The following POLR3A variants were observed in gnomAD, a reference collection of about 807,000 sequenced individuals.
POLR3A encodes DNA-directed RNA polymerase III subunit RPC1.
In POLR3A, 112 loss-of-function variants were observed where a neutral mutation model predicts 152.8. The observed-to-expected ratio is 0.73, with a 90% CI of 0.63 to 0.86. The LOEUF (loss-of-function observed/expected upper bound fraction) is 0.86. POLR3A is among the 40% of genes least tolerant of loss of function. The pLI is 0.00. For synonymous variants in POLR3A, 615 were observed against 652.1 expected (o/e 0.94, Z 0.87); for missense variants, 1,385 against 1,743.1 (o/e 0.79, Z 3.66).
Position 78,026,381 on chromosome 10 carries a change from T to C in POLR3A, c.45-152A>G, listed in dbSNP as rs1007236278. On this transcript the variant is annotated intron_variant, in intron 1 of 30. Coordinates refer to ENST00000372371, the MANE Select transcript of POLR3A (RefSeq NM_007055.4). ...AAATATATTTAACCCTCTCTCATTT[T>C]TCCTTCACAAACATCCCTTCATCTT... is the stretch of plus-strand genomic sequence containing the variant. 14 of 796,490 alleles carry C rather than the reference T, an allele frequency of 1.8e-5. No individual in the cohort carries two copies. In the African/African-American group the frequency reaches 2.0e-4, roughly 12 times the overall value. The allele number at this position is 796,490 out of a possible 1,614,324, so 49.3% of individuals were successfully genotyped here.
At chr10:78,010,970 A>G (rs1237630709) in intron 11 of POLR3A, among the ~76,000 whole-genome samples, 1 of 152,092 alleles carries the variant, frequency 6.6e-6, no homozygotes, top group East Asian at 1.9e-4. Context: ...TCAGCCTCCC[A>G]AGCAGCTGGG....
At chr10:78,009,751 G>A (rs746150360) in intron 13 of POLR3A, 76 bp from the exon 14 acceptor site, 43 of 1,612,096 alleles carry the variant, frequency 2.7e-5, no homozygotes, top group South Asian at 3.3e-5. Context: ...GAAGCCAGGC[G>A]GCCTAGGGAC....
rs1378974410 is a variant in POLR3A, at chr10:78,009,878, G to A, written c.1756C>T (p.Pro586Ser). ...DEKIKVRLPP[P>S]TILKPVTLWT... ...CCCACACACACCTTTAGGATTGTAG[G>A]CGGTGGGAGGCGAACTTTAATTTTC... The change falls in exon 13 of 31, where the codon CCT becomes TCT. Residue 586 changes from proline (P) to serine (S), a missense_variant. Transcript: ENST00000372371. 1 of 1,613,978 alleles carries A rather than the reference G, an allele frequency of 6.2e-7. No homozygotes were observed. The highest frequency in any genetic ancestry group is 8.5e-7 in the Non-Finnish European group (1 of 1,180,030).
intron 17 of POLR3A, among the ~76,000 whole-genome samples, chr10:78,001,896 G>A (rs1351060104): frequency 2.0e-5 from 3 of 151,598 alleles, no homozygotes; most frequent in Admixed American, 1.3e-4. Flanking sequence ...AATCGGCCTC[G>A]GCCTCAGCCT....
chr10:77,989,167 G>A (rs896583203), intron 21 of POLR3A, among the ~76,000 whole-genome samples: 4 of 152,054 alleles, frequency 2.6e-5, no homozygotes, highest in Non-Finnish European at 5.9e-5. Context: ...AATTCACACT[G>A]AGTCAACCCA....
intron 19 of POLR3A, among the ~76,000 whole-genome samples, chr10:77,995,806 C>T (rs908242644): frequency 2.0e-5 from 3 of 152,116 alleles, no homozygotes; most frequent in East Asian, 3.8e-4. Flanking sequence ...CTGCACCAAG[C>T]GGACCTAATA....
chr10:78,009,152 CAAA>C (rs59670962), intron 14 of POLR3A, among the ~76,000 whole-genome samples: 724 of 32,942 alleles, frequency 0.022, 13 homozygotes, highest in African/African-American at 0.045. Context: ...GACTTAGTCT[CAAA>C]AAAAAAAAAA....
intron 21 of POLR3A, 39 bp from the exon 22 acceptor site, chr10:77,986,198 C>T: frequency 1.0e-6 from 1 of 972,548 alleles, no homozygotes; most frequent in Non-Finnish European, 1.7e-6. Context: ...GTAAGTTTCA[C>T]AGTCATGCAG....
intron 20 of POLR3A, among the ~76,000 whole-genome samples, chr10:77,992,421 A>T (rs535807014): frequency 1.1e-4 from 16 of 147,390 alleles, no homozygotes; most frequent in Non-Finnish European, 1.9e-4. Flanking sequence ...GGAGCATGCC[A>T]TCATCCCTGG....
intron 1 of POLR3A, among the ~76,000 whole-genome samples, chr10:78,028,490 A>G (rs1847658741): frequency 6.6e-6 from 1 of 151,922 alleles, no homozygotes; most frequent in Non-Finnish European, 1.5e-5. Context: ...TATCCTCCTC[A>G]GTGTCTGCTG....
chr10:78,026,121 C>T lies in POLR3A; in HGVS notation c.153G>A (p.Leu51=). 6.2e-7 allele frequency: 1 copy of T among 1,614,192 alleles called. No individual in the cohort carries two copies. The highest frequency in any genetic ancestry group is 8.5e-7 in the Non-Finnish European group (1 of 1,180,028). The change falls in exon 2 of 31, where the codon TTG becomes TTA. Residue 51 remains leucine (L), a synonymous_variant. Coordinates refer to ENST00000372371, the MANE Select transcript of POLR3A (RefSeq NM_007055.4). The stretch of plus-strand genomic sequence containing the variant: ...TCCTATGGTCGAGCACCCCATATAG[C>T]AAGGGGGCATGTTGGTTGTCCTGGC... ...LYSQDNQHAP[L]LYGVLDHRMG...
At chr10:78,025,805 G>A (rs750231078) in intron 2 of POLR3A, 46 bp from the exon 3 acceptor site, 2 of 1,590,126 alleles carry the variant, frequency 1.3e-6, no homozygotes, top group South Asian at 1.1e-5. Flanking sequence ...CTGCTGGACG[G>A]GAAAGAGTGC....
In POLR3A at chr10:78,009,693, C is replaced by T. The variant is rs1371418691; in HGVS notation, c.1771-18G>A. 2.5e-6 allele frequency: 4 copies of T among 1,614,146 alleles called. No homozygotes were observed. In the South Asian group the frequency reaches 3.3e-5, roughly 13 times the overall value. ...GTGACAGGCTGAGGGGGGGAGGAAGCCTGAGAGTCAGTGGGCTGAGCCTGG... is the reference window on the plus strand; with the variant it reads ...GTGACAGGCTGAGGGGGGGAGGAAGTCTGAGAGTCAGTGGGCTGAGCCTGG... On this transcript the variant is annotated intron_variant, in intron 13 of 30. Coordinates refer to ENST00000372371, the MANE Select transcript of POLR3A (RefSeq NM_007055.4).
chr10:77,990,510 T>C (rs1050137049), intron 21 of POLR3A, among the ~76,000 whole-genome samples: 1 of 152,030 alleles, frequency 6.6e-6, no homozygotes, highest in Non-Finnish European at 1.5e-5. Context: ...TTTCTTCTAA[T>C]AGGGAAATGG....
intron 23 of POLR3A, among the ~76,000 whole-genome samples, chr10:77,985,576 G>A (rs918322721): frequency 6.6e-6 from 1 of 152,240 alleles, no homozygotes; most frequent in African/African-American, 2.4e-5. Context: ...ATGGCTGCTT[G>A]TGGTCAGCAT....
chr10:77,993,452 C>T (rs1390505742), intron 19 of POLR3A, 85 bp from the exon 20 acceptor site: 3 of 965,126 alleles, frequency 3.1e-6, no homozygotes, highest in Non-Finnish European at 5.0e-6. Context: ...TCAAGAGTCT[C>T]AAGGTTACAA....
intron 10 of POLR3A, among the ~76,000 whole-genome samples, chr10:78,015,927 T>A (rs902931851): frequency 6.6e-6 from 1 of 152,198 alleles, no homozygotes; most frequent in African/African-American, 2.4e-5. Context: ...AATCCCATAA[T>A]CACAAACTAC....
At chr10:77,992,636 T>C (rs1055566057) in intron 20 of POLR3A, among the ~76,000 whole-genome samples, 3 of 151,706 alleles carry the variant, frequency 2.0e-5, no homozygotes, top group Non-Finnish European at 4.4e-5. Context: ...AGAGATGGGG[T>C]TTCACCATGT....
intron 10 of POLR3A, among the ~76,000 whole-genome samples, chr10:78,015,250 T>C (rs1847507361): frequency 6.6e-6 from 1 of 152,252 alleles, no homozygotes; most frequent in African/African-American, 2.4e-5. Context: ...GGCTAAACCT[T>C]GAAAATTATT....
Sources: gnomAD v4.1 joint callset for allele counts (sites outside exome capture counted in the v4.1 genomes callset) on GRCh38, gnomAD v4.1.1 for gene constraint, MANE v1.5 for transcripts, NCBI Gene and HGNC (gene_info 2026-07-23, HGNC 2026-07-21) for gene names.